LGALS4: variants seen among roughly 807,000 people sequenced by gnomAD.
LGALS4 encodes the protein galectin 4.
Under a neutral mutation model 39.6 loss-of-function variants are expected in LGALS4, and 37 were observed. That is an observed-to-expected ratio of 0.93 (90% CI 0.72 to 1.23). LGALS4 has a LOEUF of 1.23. Among genes scored for constraint, LGALS4 ranks in the 50% most tolerant of loss-of-function variants. The pLI, the probability that LGALS4 is intolerant of heterozygous loss-of-function variation, is 0.00. For synonymous variants in LGALS4, 160 were observed against 165.5 expected (o/e 0.97, Z 0.25); for missense variants, 397 against 433.2 (o/e 0.92, Z 0.74).
rs1971386025 is a variant in LGALS4, at chr19:38,803,538, G to A, written c.554C>T (p.Pro185Leu). ...AAGCCATACCGGGTTGAAGGTTGGG[G>A]GTCCTTCCATGGTCTGTGAAGTGAG... ...QLNSLPTMEGPPTFNPPVPYF... is the reference protein window; with the variant it reads ...QLNSLPTMEGLPTFNPPVPYF... Residue 185 changes from proline (P) to leucine (L), a missense_variant, in exon 7 of 10, where the codon CCC becomes CTC. Physicochemically the swap from Pro to Leu is moderately conservative, Grantham distance 98. Coordinates refer to ENST00000307751, the MANE Select transcript of LGALS4 (RefSeq NM_006149.4). 6.2e-7 allele frequency: 1 copy of A among 1,613,920 alleles called. No individual in the cohort carries two copies. The highest frequency in any genetic ancestry group is 1.3e-5 in the African/African-American group (1 of 74,904).
In LGALS4 at chr19:38,801,916, G is replaced by T; in HGVS notation, c.826-6C>A. ...AAGCCACAGCGAATGGACAGCTGCA[G>T]GGAGAAGGGTGGGCATGAGGCCAGG... is the stretch of plus-strand genomic sequence containing the variant. On this transcript the variant is annotated splice_region_variant and splice_polypyrimidine_tract_variant and intron_variant, in intron 9 of 9. Transcript: ENST00000307751. The T allele has an allele frequency of 6.2e-7, 1 of 1,614,210 alleles. No individual in the cohort carries two copies. The highest frequency in any genetic ancestry group is 2.2e-5 in the East Asian group (1 of 44,890).
chr19:38,805,673 G>A (rs867809867), intron 4 of LGALS4, among the ~76,000 whole-genome samples: 1 of 152,102 alleles, frequency 6.6e-6, no homozygotes, highest in African/African-American at 2.4e-5. Flanking sequence ...TCCCCATCCC[G>A]GCCTTTATCC....
Position 38,803,944 on chromosome 19 carries a change from C to T in LGALS4, c.475-49G>A, listed in dbSNP as rs1356987822. On this transcript the variant is annotated intron_variant, in intron 4 of 9. Transcript: ENST00000307751. Reference sequence around the variant, plus strand: ...GGTTATGAGAGGGTCCCCAGATTTGCGACTGAAAGATGTCGAGAGTGCCTG... The same window carrying T: ...GGTTATGAGAGGGTCCCCAGATTTGTGACTGAAAGATGTCGAGAGTGCCTG... 9 of 1,572,354 alleles carry T rather than the reference C, an allele frequency of 5.7e-6. No homozygotes were observed. In the African/African-American group the frequency reaches 8.1e-5, roughly 14 times the overall value.
intron 7 of LGALS4, among the ~76,000 whole-genome samples, chr19:38,802,640 G>C (rs148155288): frequency 6.6e-6 from 1 of 151,264 alleles, no homozygotes; most frequent in African/African-American, 2.4e-5. Flanking sequence ...GATTACAGGC[G>C]TGAGCCACCA....
chr19:38,802,275 G>A (rs2145351291), intron 8 of LGALS4, 41 bp downstream of exon 8: 1 of 1,601,190 alleles, frequency 6.2e-7, no homozygotes, highest in Non-Finnish European at 8.6e-7. Context: ...TGGGTCTGAG[G>A]GAGGAGGGGG....
chr19:38,802,278 G>C, intron 8 of LGALS4, 38 bp downstream of exon 8: 1 of 1,602,014 alleles, frequency 6.2e-7, no homozygotes, highest in Non-Finnish European at 8.6e-7. Context: ...GTCTGAGGGA[G>C]GAGGGGGCTG....
chr19:38,803,997 C>A (rs1476765080), intron 4 of LGALS4, 102 bp from the exon 5 acceptor site: 1 of 1,276,272 alleles, frequency 7.8e-7, no homozygotes, highest in South Asian at 1.3e-5. Context: ...ACCACCACCA[C>A]TATGCCAGAG....
intron 3 of LGALS4, among the ~76,000 whole-genome samples, chr19:38,806,861 C>T (rs1388676817): frequency 3.3e-5 from 5 of 151,842 alleles, no homozygotes; most frequent in East Asian, 1.9e-4. Context: ...GCAGGAGAAT[C>T]GCCTGAACCC....
chr19:38,807,855 A>G (rs903759246), intron 3 of LGALS4, among the ~76,000 whole-genome samples: 1 of 152,138 alleles, frequency 6.6e-6, no homozygotes, highest in African/African-American at 2.4e-5. Context: ...GTGGTGTGTC[A>G]ACTCAGGGTT....
chr19:38,811,253 G>T (rs535394261), intron 2 of LGALS4, among the ~76,000 whole-genome samples: 8 of 152,150 alleles, frequency 5.3e-5, no homozygotes, highest in Admixed American at 3.9e-4. Flanking sequence ...ACGAGGGCAG[G>T]GGTCTCTGTC....
chr19:38,803,488 C>T, intron 7 of LGALS4, 34 bp downstream of exon 7: 1 of 1,611,216 alleles, frequency 6.2e-7, no homozygotes, highest in South Asian at 1.1e-5. Flanking sequence ...CGTGCCCCCT[C>T]CCCACCATCC....
chr19:38,812,638 G>A, intron 1 of LGALS4, 119 bp from the exon 2 acceptor site: 1 of 1,025,648 alleles, frequency 9.7e-7, no homozygotes, highest in South Asian at 1.4e-5. Flanking sequence ...GGGAGGACCA[G>A]GTTGAAGATG....
intron 4 of LGALS4, among the ~76,000 whole-genome samples, chr19:38,805,149 G>C: frequency 7.1e-6 from 1 of 140,992 alleles, no homozygotes; most frequent in East Asian, 2.0e-4. Flanking sequence ...GGGTGACAGA[G>C]CCAGACCCTG....
intron 3 of LGALS4, among the ~76,000 whole-genome samples, chr19:38,808,309 AAG>A (rs1971447329): frequency 6.6e-6 from 1 of 151,556 alleles, no homozygotes; most frequent in African/African-American, 2.4e-5. Flanking sequence ...AGAACAGAGA[AAG>A]AGGAAGGAAA....
chr19:38,808,731 A>G lies in LGALS4; in HGVS notation c.339+13T>C. On this transcript the variant is annotated intron_variant, in intron 3 of 9. Transcript: ENST00000307751. ...CACTCCAGCTTGGGAAACAAGAGAG[A>G]AAGCATGCAGACCTTGTAGTGCTCA... The G allele has an allele frequency of 6.2e-7, 1 of 1,609,926 alleles. No individual in the cohort carries two copies. The highest frequency in any genetic ancestry group is 1.1e-5 in the South Asian group (1 of 90,866).
In LGALS4 at chr19:38,801,912, T is replaced by C; in HGVS notation, c.826-2A>G. ...ATCCAAGCCACAGCGAATGGACAGC[T>C]GCAGGGAGAAGGGTGGGCATGAGGC... On this transcript the variant is annotated splice_acceptor_variant, in intron 9 of 9. Transcript: ENST00000307751. LOFTEE classifies it high-confidence loss of function. 1.9e-6 allele frequency: 3 copies of C among 1,614,136 alleles called. No individual in the cohort carries two copies. Among genetic ancestry groups the C allele is most frequent in the Non-Finnish European group, 8.5e-7 (1 of 1,179,998 alleles).
chr19:38,808,999 G>GA, intron 2 of LGALS4, 51 bp from the exon 3 acceptor site: 1 of 1,485,358 alleles, frequency 6.7e-7, no homozygotes, highest in South Asian at 1.2e-5. Context: ...CCGGGGCCTG[G>GA]GGGCCTCCTC....
intron 4 of LGALS4, among the ~76,000 whole-genome samples, chr19:38,806,225 G>A (rs1209802946): frequency 4.6e-5 from 7 of 151,156 alleles, no homozygotes; most frequent in Non-Finnish European, 8.8e-5. Flanking sequence ...AAAATTAGCC[G>A]GGCGTGGTGG....
In LGALS4 at chr19:38,812,898, G is replaced by A. The variant is rs1971512536; in HGVS notation, c.-12C>T. On this transcript the variant is annotated 5_prime_UTR_variant, in exon 1 of 10. Coordinates refer to ENST00000307751, the MANE Select transcript of LGALS4 (RefSeq NM_006149.4). ...GGGACATAGGCCATCGCTCGAGGCT[G>A]CGCTAGTGGCTGGTCCTGTGAGAAG... 6.2e-7 allele frequency: 1 copy of A among 1,611,076 alleles called. No individual in the cohort carries two copies. The highest frequency in any genetic ancestry group is 1.7e-5 in the Admixed American group (1 of 59,994).
Sources: allele counts gnomAD v4.1 joint callset (sites outside exome capture counted in the v4.1 genomes callset), GRCh38; gene constraint gnomAD v4.1.1; transcripts MANE v1.5; gene names NCBI Gene and HGNC (gene_info 2026-07-23, HGNC 2026-07-21).